The following PRDM16 variants were observed in gnomAD, a reference collection of about 807,000 sequenced individuals.
The protein encoded by PRDM16 is PR/SET domain 16.
A neutral mutation model predicts 110.6 loss-of-function variants in PRDM16; 23 were observed. The observed-to-expected ratio is 0.21, with a 90% CI of 0.15 to 0.29. The LOEUF is 0.29. PRDM16 is among the 10% of genes least tolerant of loss of function. The pLI is 1.00. For missense variants in PRDM16, 1,615 were observed against 1,794.3 expected, an observed-to-expected ratio of 0.90 and a Z score of 1.81; for synonymous variants, 799 against 781.8, an observed-to-expected ratio of 1.02 and a Z score of -0.37.
intron 8 of PRDM16, among the ~76,000 whole-genome samples, chr1:3,410,553 C>T (rs943257721): frequency 1.3e-4 from 20 of 152,306 alleles, no homozygotes; most frequent in African/African-American, 4.8e-4. Flanking sequence ...CCGGGATCCC[C>T]GAGTTGGGGC....
At position 3,227,533 on chromosome 1, in the gene PRDM16, C is replaced by T. The variant is rs2817154; in HGVS notation, c.388-16554C>T. 5.2e-4 allele frequency among the ~76,000 whole-genome samples: 79 copies of T among 152,214 alleles called. 1 individual carries two copies. Among genetic ancestry groups the T allele is most frequent in the African/African-American group, 1.8e-3 (73 of 41,470 alleles). On this transcript the variant is annotated intron_variant, in intron 2 of 16. Transcript: ENST00000270722. ...GGCCGGCGGGACCGTGACAGTCCAG[C>T]GTGGGGCCGCAGCTGCGGCGGGGCT...
intron 1 of PRDM16, among the ~76,000 whole-genome samples, chr1:3,181,691 C>T (rs973944780): frequency 4.7e-4 from 54 of 114,158 alleles, no homozygotes; most frequent in Middle Eastern, 4.5e-3. Context: ...GTCTTACACA[C>T]GGTCTTACAC....
In PRDM16 at chr1:3,213,171, C is replaced by T. The variant is rs1638939298; in HGVS notation, c.387+26697C>T. Among the ~76,000 whole-genome samples, 1 of 152,236 alleles carries T rather than the reference C, an allele frequency of 6.6e-6. No individual in the cohort carries two copies. The highest frequency in any genetic ancestry group is 2.4e-5 in the African/African-American group (1 of 41,454). On this transcript the variant is annotated intron_variant, in intron 2 of 16. Transcript: ENST00000270722. The surrounding 1 kb of genome is among the most constrained non-coding windows in gnomAD (Gnocchi z 5.3). ...AAGGAAATGCCACCGCCAACAGCAA[C>T]AGAAACACAGATTTGGAGATCCCCA...
At position 3,353,071 on chromosome 1, in the gene PRDM16, G is replaced by C. The variant is rs1239448171; in HGVS notation, c.439-32081G>C. ...CAGGCCTGGGGCTCTGGAGCCAGAAGTCAGGAAAGGGAGGCTGCAGCCGCA... is the reference window on the plus strand; with the variant it reads ...CAGGCCTGGGGCTCTGGAGCCAGAACTCAGGAAAGGGAGGCTGCAGCCGCA... On this transcript the variant is annotated intron_variant, in intron 3 of 16. Transcript: ENST00000270722. This position sits in a 1 kb window ranked among gnomAD's most constrained non-coding sequence, Gnocchi z 5.4. Among the ~76,000 whole-genome samples, 1 of 152,186 alleles carries C rather than the reference G, an allele frequency of 6.6e-6. No individual in the cohort carries two copies. Among genetic ancestry groups the C allele is most frequent in the East Asian group, 1.9e-4 (1 of 5,182 alleles).
At chr1:3,349,070 A>G (rs537913272) in intron 3 of PRDM16, among the ~76,000 whole-genome samples, 4 of 152,206 alleles carry the variant, frequency 2.6e-5, no homozygotes, top group Non-Finnish European at 5.9e-5. Flanking sequence ...GGGGCTTTGT[A>G]ATAATCACCA....
At chr1:3,164,597 G>A (rs977020513) in intron 1 of PRDM16, among the ~76,000 whole-genome samples, 2 of 152,138 alleles carry the variant, frequency 1.3e-5, no homozygotes, top group Admixed American at 6.5e-5. Flanking sequence ...TGTGTAGCCC[G>A]CTCGGTGTCT....
intron 1 of PRDM16, among the ~76,000 whole-genome samples, chr1:3,139,737 T>A (rs1643510008): frequency 6.6e-6 from 1 of 152,258 alleles, no homozygotes; most frequent in Non-Finnish European, 1.5e-5. Context: ...CGGAAGCCCA[T>A]GCACCTGACC....
Position 3,425,179 on chromosome 1 carries a change from G to C in PRDM16, c.2940-402G>C, listed in dbSNP as rs1022616898. Reference sequence around the variant, plus strand: ...TGCAAGCTCCGCCTCCCGGGTTCACGCCATTCTCCTGCCTCAGCCTCCAGA... The same window carrying C: ...TGCAAGCTCCGCCTCCCGGGTTCACCCCATTCTCCTGCCTCAGCCTCCAGA... On this transcript the variant is annotated intron_variant, in intron 12 of 16. Coordinates refer to ENST00000270722, the MANE Select transcript of PRDM16 (RefSeq NM_022114.4). This position sits in a 1 kb window ranked among gnomAD's most constrained non-coding sequence, Gnocchi z 6.9. 1 of 155,680 alleles carries C rather than the reference G, an allele frequency of 6.4e-6. No homozygotes were observed. The highest frequency in any genetic ancestry group is 2.5e-5 in the African/African-American group (1 of 40,788). 9.6% of individuals were successfully genotyped at this position (155,680 alleles called of 1,614,324 possible).
chr1:3,344,813 G>C (rs1013751458), intron 3 of PRDM16, among the ~76,000 whole-genome samples: 1 of 152,324 alleles, frequency 6.6e-6, no homozygotes, highest in African/African-American at 2.4e-5. Context: ...GCCCTTCTGG[G>C]ACTTTAGTGG....
At chr1:3,116,799 G>A (rs369036403) in intron 1 of PRDM16, among the ~76,000 whole-genome samples, 3 of 152,162 alleles carry the variant, frequency 2.0e-5, no homozygotes, top group Non-Finnish European at 2.9e-5. Flanking sequence ...CTCTGGCCCC[G>A]CTGGTGACTT....
intron 1 of PRDM16, among the ~76,000 whole-genome samples, chr1:3,162,432 G>A (rs1643906814): frequency 6.6e-6 from 1 of 152,186 alleles, no homozygotes; most frequent in Admixed American, 6.5e-5. Context: ...CTCATCCCAG[G>A]GAAGCAAGCA....
At chr1:3,416,145 C>T (rs775444498) in intron 10 of PRDM16, among the ~76,000 whole-genome samples, 9 of 152,302 alleles carry the variant, frequency 5.9e-5, no homozygotes, top group East Asian at 3.9e-4. Context: ...TCTACTCGTT[C>T]GTTTCTTTCT....
chr1:3,174,243 T>G (rs1448257087), intron 1 of PRDM16, among the ~76,000 whole-genome samples: 1 of 152,182 alleles, frequency 6.6e-6, no homozygotes, highest in African/African-American at 2.4e-5. Context: ...TGTGTCCTTC[T>G]CCTTGTCCTA....
At chr1:3,106,651 GA>G (rs1642663085) in intron 1 of PRDM16, among the ~76,000 whole-genome samples, 1 of 152,174 alleles carries the variant, frequency 6.6e-6, no homozygotes, top group African/African-American at 2.4e-5. Flanking sequence ...TGGGGTTTGG[GA>G]AAGGGAAGGC....
chr1:3,105,130 A>G (rs188013928), intron 1 of PRDM16, among the ~76,000 whole-genome samples: 2 of 151,866 alleles, frequency 1.3e-5, no homozygotes, highest in African/African-American at 4.8e-5. Flanking sequence ...CATCCCCCCA[A>G]GTAGTGAGCC....
intron 3 of PRDM16, among the ~76,000 whole-genome samples, chr1:3,291,381 C>T (rs1640970580): frequency 6.6e-6 from 1 of 152,234 alleles, no homozygotes; most frequent in Non-Finnish European, 1.5e-5. Context: ...TTCCTCTGCA[C>T]CGCAGGGGCC....
intron 1 of PRDM16, among the ~76,000 whole-genome samples, chr1:3,142,192 G>A (rs904908799): frequency 1.3e-5 from 2 of 152,248 alleles, no homozygotes; most frequent in African/African-American, 2.4e-5. Context: ...GGCCAGGGCT[G>A]GGGGCAGCTG....
intron 10 of PRDM16, among the ~76,000 whole-genome samples, chr1:3,415,400 G>T (rs796198745): frequency 3.9e-5 from 6 of 152,386 alleles, no homozygotes; most frequent in African/African-American, 1.4e-4. Flanking sequence ...CTGCAGACCA[G>T]ACCGGGGCAT....
rs1324386304 is a variant in PRDM16 at position 3,186,234 on chromosome 1, G to T, written c.147G>T (p.Gly49=). ...GTGCCATGTCGCCCATCCCCGTGGG[G>T]CCACCGTCCCCCTTCCCCACCAGCG... ...EDSAMSPIPV[G]PPSPFPTSED... Residue 49 remains glycine, a synonymous_variant, in exon 2 of 17, where the codon GGG becomes GGT. Transcript: ENST00000270722. 1 of 1,612,492 alleles carries T rather than the reference G, an allele frequency of 6.2e-7. No individual in the cohort carries two copies. The highest frequency in any genetic ancestry group is 8.5e-7 in the Non-Finnish European group (1 of 1,179,880).
Sources: gnomAD v4.1 joint callset for allele counts (sites outside exome capture counted in the v4.1 genomes callset) on GRCh38, gnomAD v4.1.1 for gene constraint, Gnocchi (gnomAD v3.1) non-coding constraint, MANE v1.5 for transcripts, NCBI Gene and HGNC (gene_info 2026-07-23, HGNC 2026-07-21) for gene names.